NDUFB5: variants seen among roughly 807,000 people sequenced by gnomAD.
NDUFB5 encodes the protein NADH:ubiquinone oxidoreductase subunit B5.
In NDUFB5, 19 loss-of-function variants were observed where a neutral mutation model predicts 19.4. The ratio of observed to expected loss-of-function variants is 0.98; its 90% CI spans 0.68 to 1.43. NDUFB5 has a LOEUF of 1.43. Ranked by LOEUF, NDUFB5 falls within the 40% of genes most tolerant of loss-of-function variation. The pLI is 0.00. For synonymous variants in NDUFB5, 80 were observed against 82.6 expected (o/e 0.97, Z 0.17); for missense variants, 233 against 236.5 (o/e 0.99, Z 0.10).
intron 1 of NDUFB5, among the ~76,000 whole-genome samples, chr3:179,612,227 A>T (rs190767250): frequency 7.2e-4 from 110 of 151,982 alleles, no homozygotes; most frequent in African/African-American, 2.5e-3. Flanking sequence ...TGCGTGATGT[A>T]ATCCCAGTTA....
rs547381585 is a variant in NDUFB5, at chr3:179,624,931, C to G, written c.*891C>G. On this transcript the variant is annotated 3_prime_UTR_variant, in exon 6 of 6. Coordinates refer to ENST00000259037, the MANE Select transcript of NDUFB5 (RefSeq NM_002492.4). Reference sequence around the variant, plus strand: ...TCAGCCTCCCAAGTAGCTGGGATTACAGGCACCCACCACCACACCCGGCTA... The same window carrying G: ...TCAGCCTCCCAAGTAGCTGGGATTAGAGGCACCCACCACCACACCCGGCTA... The G allele has an allele frequency of 6.6e-6, 1 of 151,412 alleles. No homozygotes were observed. Among genetic ancestry groups the G allele is most frequent in the Non-Finnish European group, 1.5e-5 (1 of 68,012 alleles). The allele number at this position is 151,412 out of a possible 1,614,324, so 9.4% of individuals were successfully genotyped here.
At position 179,604,838 on chromosome 3, in the gene NDUFB5, G is replaced by C. The variant is rs1368126413; in HGVS notation, c.23G>C (p.Arg8Pro). Residue 8 changes from arginine (R) to proline (P), a missense_variant, in exon 1 of 6, where the codon CGG becomes CCG. By Grantham distance (103) the Arg-to-Pro change is moderately radical. Transcript: ENST00000259037. ...GCCATGGCGGCCATGAGTTTGTTGC[G>C]GCGGGTTTCGGTTACTGCGGTGGCA... MAAMSLL[R>P]RVSVTAVAAL... The C allele has an allele frequency of 1.2e-6, 2 of 1,606,148 alleles. No individual in the cohort carries two copies. The highest frequency in any genetic ancestry group is 1.7e-6 in the Non-Finnish European group (2 of 1,178,058).
At position 179,604,835 on chromosome 3, in the gene NDUFB5, T is replaced by TG. The variant is rs1719030177; in HGVS notation, c.21dup (p.Arg8AlafsTer54). On this transcript the variant is annotated frameshift_variant, in exon 1 of 6. Transcript: ENST00000259037. LOFTEE classifies it high-confidence loss of function. ...GTAGCCATGGCGGCCATGAGTTTGT[T>TG]GCGGCGGGTTTCGGTTACTGCGGTG... The TG allele has an allele frequency of 6.2e-7, 1 of 1,606,560 alleles. No individual in the cohort carries two copies. The highest frequency in any genetic ancestry group is 8.5e-7 in the Non-Finnish European group (1 of 1,178,234).
chr3:179,607,698 A>G (rs1719140008), intron 1 of NDUFB5: 6 of 693,646 alleles, frequency 8.6e-6, no homozygotes, highest in Non-Finnish European at 1.6e-5. Flanking sequence ...CTTTTTTCAT[A>G]TGGTAAAACT....
At chr3:179,607,299 C>G (rs1034835365) in intron 1 of NDUFB5, among the ~76,000 whole-genome samples, 2 of 152,116 alleles carry the variant, frequency 1.3e-5, no homozygotes, top group African/African-American at 4.8e-5. Flanking sequence ...TATATCTGTC[C>G]CTACAAGAAT....
intron 5 of NDUFB5, among the ~76,000 whole-genome samples, chr3:179,622,147 G>T (rs543850538): frequency 2.5e-4 from 38 of 151,856 alleles, no homozygotes; most frequent in African/African-American, 7.5e-4. Context: ...GTTTAGGGGG[G>T]TTTTTTTGTT....
At chr3:179,621,361 G>A (rs1019535849) in intron 5 of NDUFB5, among the ~76,000 whole-genome samples, 2 of 152,124 alleles carry the variant, frequency 1.3e-5, no homozygotes, top group African/African-American at 2.4e-5. Context: ...ACAGGCGTGA[G>A]CCACTGCACC....
chr3:179,611,268 A>G (rs899864141), intron 1 of NDUFB5, among the ~76,000 whole-genome samples: 1 of 152,180 alleles, frequency 6.6e-6, no homozygotes, highest in African/African-American at 2.4e-5. Context: ...GGAGAATTTA[A>G]CTCTTAGAAT....
intron 1 of NDUFB5, among the ~76,000 whole-genome samples, chr3:179,613,589 A>T (rs1308429628): frequency 6.6e-6 from 1 of 152,232 alleles, no homozygotes; most frequent in African/African-American, 2.4e-5. Context: ...CACAAAAAAA[A>T]TTATGTATGT....
chr3:179,620,493 G>A (rs534373996), intron 5 of NDUFB5, among the ~76,000 whole-genome samples: 21 of 152,360 alleles, frequency 1.4e-4, no homozygotes, highest in African/African-American at 4.8e-4. Flanking sequence ...GTTTGTCAAA[G>A]ATCAGATAGT....
At chr3:179,622,151 T>TTTTG (rs1488372147) in intron 5 of NDUFB5, among the ~76,000 whole-genome samples, 1 of 151,850 alleles carries the variant, frequency 6.6e-6, no homozygotes, top group African/African-American at 2.4e-5. Context: ...AGGGGGGTTT[T>TTTTG]TTTGTTTGTT....
At chr3:179,614,394 G>A (rs148935370) in intron 1 of NDUFB5, among the ~76,000 whole-genome samples, 171 of 152,298 alleles carry the variant, frequency 1.1e-3, no homozygotes, top group African/African-American at 3.7e-3. Context: ...GATTTGTTGA[G>A]TAAATACGGC....
Position 179,604,834 on chromosome 3 carries a change from T to G in NDUFB5, c.19T>G (p.Leu7Val), listed in dbSNP as rs184026696. 1.9e-6 allele frequency: 3 copies of G among 1,606,666 alleles called. No individual in the cohort carries two copies. Among genetic ancestry groups the G allele is most frequent in the Admixed American group, 1.8e-5 (1 of 56,554 alleles). MAAMSL[L>V]RRVSVTAVAA... is the part of the protein sequence containing the mutation. ...AGTAGCCATGGCGGCCATGAGTTTG[T>G]TGCGGCGGGTTTCGGTTACTGCGGT... The change falls in exon 1 of 6, where the codon TTG becomes GTG. Residue 7 changes from leucine to valine, a missense_variant. Transcript: ENST00000259037.
At chr3:179,623,866 AAATTTAT>A in intron 5 of NDUFB5, 47 bp from the exon 6 acceptor site, 1 of 1,607,658 alleles carries the variant, frequency 6.2e-7, no homozygotes, top group Non-Finnish European at 8.5e-7. Flanking sequence ...ATGGCTCATT[AAATTTAT>A]AATTGGAAGT....
At chr3:179,612,537 G>C (rs541568840) in intron 1 of NDUFB5, among the ~76,000 whole-genome samples, 4 of 146,666 alleles carry the variant, frequency 2.7e-5, no homozygotes, top group African/African-American at 7.6e-5. Context: ...GTGCAGTGGC[G>C]CGATCTAGGC....
Position 179,615,074 on chromosome 3 carries a change from T to G in NDUFB5, c.213+15T>G. 1 of 1,578,780 alleles carries G rather than the reference T, an allele frequency of 6.3e-7. No individual in the cohort carries two copies. Among genetic ancestry groups the G allele is most frequent in the African/African-American group, 1.3e-5 (1 of 74,242 alleles). On this transcript the variant is annotated intron_variant, in intron 2 of 5. Transcript: ENST00000259037. ...TGAAGTTATTGGTAAGTTTAAATTT[T>G]TTGTTGAATTAAAGTCTTTGCATGT...
chr3:179,615,662 T>G lies in NDUFB5; in HGVS notation c.214-321T>G, dbSNP rs555973773. On this transcript the variant is annotated intron_variant, in intron 2 of 5. Transcript: ENST00000259037. ...CATTTGAGTACTGACCTTAAAACTTTCTCTTGCCCTTCCGTTGTGTTTAAT... is the reference window on the plus strand; with the variant it reads ...CATTTGAGTACTGACCTTAAAACTTGCTCTTGCCCTTCCGTTGTGTTTAAT... The G allele has an allele frequency of 2.8e-4, 139 of 498,628 alleles. 2 individuals carry two copies. Among genetic ancestry groups the G allele is most frequent in the South Asian group, 2.1e-3 (136 of 64,374 alleles). 30.9% of individuals were successfully genotyped at this position (498,628 alleles called of 1,614,324 possible). A position where few individuals can be genotyped will look rare whatever the true frequency, so the allele number is the denominator to read the frequency against.
chr3:179,622,680 C>A (rs1719570599), intron 5 of NDUFB5, among the ~76,000 whole-genome samples: 1 of 152,042 alleles, frequency 6.6e-6, no homozygotes, highest in African/African-American at 2.4e-5. Context: ...AAAGAGTAGA[C>A]AAGAAAGAGA....
Position 179,624,257 on chromosome 3 carries a change from G to T in NDUFB5, c.*217G>T. The T allele has an allele frequency of 2.7e-6, 1 of 370,132 alleles. No homozygotes were observed. The highest frequency in any genetic ancestry group is 4.8e-6 in the Non-Finnish European group (1 of 209,804). 22.9% of individuals were successfully genotyped at this position (370,132 alleles called of 1,614,324 possible). On this transcript the variant is annotated 3_prime_UTR_variant, in exon 6 of 6. Coordinates refer to ENST00000259037, the MANE Select transcript of NDUFB5 (RefSeq NM_002492.4). ...ATAAAAACTGGAGAAATAGGAATTT[G>T]TGAACTCCTAAAATTGTAGCAACTT...
Sources: allele counts gnomAD v4.1 joint callset (sites outside exome capture counted in the v4.1 genomes callset), GRCh38; gene constraint gnomAD v4.1.1; transcripts MANE v1.5; gene names NCBI Gene and HGNC (gene_info 2026-07-23, HGNC 2026-07-21).